The following SPOCK1 variants were observed in gnomAD, a reference collection of about 807,000 sequenced individuals.
SPOCK1 encodes the protein SPARC (osteonectin), cwcv and kazal like domains proteoglycan 1.
SPOCK1 carries 23 observed loss-of-function variants against 55.3 expected under a neutral mutation model. The observed-to-expected ratio is 0.42, with a 90% CI of 0.30 to 0.59. The LOEUF is 0.59. SPOCK1 is among the 20% of genes least tolerant of loss of function. The pLI, the probability that SPOCK1 is intolerant of heterozygous loss-of-function variation, is 0.22. For synonymous variants in SPOCK1, 226 were observed against 221.0 expected, an observed-to-expected ratio of 1.02 and a Z score of -0.20; for missense variants, 499 against 552.5, an observed-to-expected ratio of 0.90 and a Z score of 0.97.
intron 2 of SPOCK1, among the ~76,000 whole-genome samples, chr5:137,334,995 T>C (rs374687362): frequency 2.1e-4 from 32 of 152,140 alleles, no homozygotes; most frequent in East Asian, 5.8e-4. Flanking sequence ...TTCACCCCTA[T>C]GACATGTCCA....
intron 2 of SPOCK1, among the ~76,000 whole-genome samples, chr5:137,397,994 T>G (rs1312893899): frequency 1.3e-5 from 2 of 152,020 alleles, no homozygotes; most frequent in African/African-American, 4.8e-5. Flanking sequence ...AGAAGGAAGA[T>G]GAACTACTAG....
At chr5:137,286,395 C>CCAT (rs2127128094) in intron 2 of SPOCK1, among the ~76,000 whole-genome samples, 1 of 152,250 alleles carries the variant, frequency 6.6e-6, no homozygotes, top group Non-Finnish European at 1.5e-5. Context: ...CACAGGGCTG[C>CCAT]CATGGATGGT....
intron 3 of SPOCK1, among the ~76,000 whole-genome samples, chr5:137,250,859 T>C (rs564953381): frequency 6.6e-6 from 1 of 152,334 alleles, no homozygotes; most frequent in South Asian, 2.1e-4. Context: ...CTTGCCTGTA[T>C]TAGCTCACTG....
chr5:137,249,791 A>C (rs1369536031), intron 3 of SPOCK1, among the ~76,000 whole-genome samples: 1 of 152,240 alleles, frequency 6.6e-6, no homozygotes, highest in African/African-American at 2.4e-5. Context: ...AGGAAATTAC[A>C]ATTAGACATT....
At chr5:137,467,328 G>C (rs895849200) in intron 2 of SPOCK1, among the ~76,000 whole-genome samples, 2 of 152,158 alleles carry the variant, frequency 1.3e-5, no homozygotes, top group African/African-American at 4.8e-5. Context: ...AGAATATTTG[G>C]GGATGTTCTT....
intron 2 of SPOCK1, among the ~76,000 whole-genome samples, chr5:137,433,741 T>G (rs1752798719): frequency 6.6e-6 from 1 of 152,186 alleles, no homozygotes; most frequent in African/African-American, 2.4e-5. Context: ...AAAGCTTCCC[T>G]TCCAAAGGAA....
chr5:137,420,417 A>G (rs1401736359), intron 2 of SPOCK1, among the ~76,000 whole-genome samples: 1 of 152,118 alleles, frequency 6.6e-6, no homozygotes, highest in African/African-American at 2.4e-5. Context: ...CTGTGAATCC[A>G]TCTGGTCCTG....
At chr5:137,361,857 T>A (rs1750953260) in intron 2 of SPOCK1, among the ~76,000 whole-genome samples, 1 of 152,210 alleles carries the variant, frequency 6.6e-6, no homozygotes, top group Admixed American at 6.5e-5. Flanking sequence ...AAGTCAAGAC[T>A]CTGGGTGAGT....
At chr5:137,403,713 A>C (rs1337165019) in intron 2 of SPOCK1, among the ~76,000 whole-genome samples, 1 of 151,938 alleles carries the variant, frequency 6.6e-6, no homozygotes, top group Non-Finnish European at 1.5e-5. Context: ...ACAGGAACTA[A>C]GGTCTGGCTT....
chr5:137,247,880 G>A (rs1756426750), intron 3 of SPOCK1, among the ~76,000 whole-genome samples: 1 of 152,104 alleles, frequency 6.6e-6, no homozygotes, highest in Non-Finnish European at 1.5e-5. Flanking sequence ...CTCACTACCT[G>A]GGTAAAAGCA....
intron 2 of SPOCK1, among the ~76,000 whole-genome samples, chr5:137,362,973 A>C (rs1320070764): frequency 1.3e-5 from 2 of 152,104 alleles, no homozygotes; most frequent in African/African-American, 4.8e-5. Flanking sequence ...GCTCAACTCA[A>C]CCCTAGGTTA....
rs1752557855 is a variant in SPOCK1 at position 137,424,083 on chromosome 5, AAAAC to A, written c.186+74286_186+74289del. Among the ~76,000 whole-genome samples the A allele has an allele frequency of 2.6e-5, 4 of 152,184 alleles. No individual in the cohort carries two copies. The South Asian group carries it at 6.2e-4, about 24-fold the overall frequency. On this transcript the variant is annotated intron_variant, in intron 2 of 10. Coordinates refer to ENST00000394945, the MANE Select transcript of SPOCK1 (RefSeq NM_004598.4). ...TGATTTACACCTTGATATCTTTGTA[AAAAC>A]AAACAAAATAAGCCAGGCATGGTGG...
intron 2 of SPOCK1, among the ~76,000 whole-genome samples, chr5:137,432,577 C>T (rs1231335499): frequency 6.6e-6 from 1 of 152,032 alleles, no homozygotes; most frequent in Non-Finnish European, 1.5e-5. Context: ...TTCACAGAGA[C>T]AGCAAGTAGA....
At chr5:137,351,688 G>A (rs1183989882) in intron 2 of SPOCK1, among the ~76,000 whole-genome samples, 1 of 152,208 alleles carries the variant, frequency 6.6e-6, no homozygotes, top group East Asian at 1.9e-4. Flanking sequence ...TCCAAGGGCA[G>A]TACATTGCCA....
chr5:137,145,268 T>G (rs1561626068), intron 3 of SPOCK1, among the ~76,000 whole-genome samples: 1 of 152,246 alleles, frequency 6.6e-6, no homozygotes, highest in East Asian at 1.9e-4. Flanking sequence ...TAACTTTTTT[T>G]GATTAATTTT....
chr5:137,449,886 CAAAAAAAAAAAAA>C (rs562723108), intron 2 of SPOCK1, among the ~76,000 whole-genome samples: 7 of 52,908 alleles, frequency 1.3e-4, no homozygotes, highest in African/African-American at 3.2e-4. Context: ...GATGCTGTCT[CAAAAAAAAAAAAA>C]AAAAAAAAAA....
intron 6 of SPOCK1, among the ~76,000 whole-genome samples, chr5:136,997,643 G>C (rs1168795683): frequency 1.3e-5 from 2 of 152,146 alleles, no homozygotes; most frequent in Admixed American, 1.3e-4. Context: ...CCTCCGACAT[G>C]CTCTTCTATT....
At chr5:137,474,826 G>A (rs1216843160) in intron 2 of SPOCK1, among the ~76,000 whole-genome samples, 4 of 152,176 alleles carry the variant, frequency 2.6e-5, no homozygotes. Context: ...GTGGGAGAGA[G>A]ATGAAGCTCT....
In SPOCK1 at chr5:136,997,408, G is replaced by A. The variant is rs112612300; in HGVS notation, c.590-4808C>T. Reference sequence around the variant, plus strand: ...TCCCATCTTGCCCCCTCCCTCCCCCGCCATGTTCCCTTCTCCATCCAGCAG... The same window carrying A: ...TCCCATCTTGCCCCCTCCCTCCCCCACCATGTTCCCTTCTCCATCCAGCAG... On this transcript the variant is annotated intron_variant, in intron 6 of 10. Transcript: ENST00000394945. Among the ~76,000 whole-genome samples, 1,328 of 150,830 alleles carry A rather than the reference G, an allele frequency of 8.8e-3. 11 individuals carry two copies. The Middle Eastern group carries it at 0.088, about 10-fold the overall frequency.
Sources: gnomAD v4.1 joint callset for allele counts (sites outside exome capture counted in the v4.1 genomes callset) on GRCh38, gnomAD v4.1.1 for gene constraint, MANE v1.5 for transcripts, NCBI Gene and HGNC (gene_info 2026-07-23, HGNC 2026-07-21) for gene names.